PTPN21: variants seen among roughly 807,000 people sequenced by gnomAD.
PTPN21 encodes protein tyrosine phosphatase non-receptor type 21.
In PTPN21, 77 loss-of-function variants were observed where a neutral mutation model predicts 131.8. The observed-to-expected ratio is 0.58, with a 90% CI of 0.49 to 0.71. The LOEUF (loss-of-function observed/expected upper bound fraction) is 0.71. PTPN21 is among the 30% of genes least tolerant of loss of function. PTPN21 has a pLI of 0.00. For missense variants in PTPN21, 1,552 were observed against 1,527.1 expected (o/e 1.02, Z -0.27); for synonymous variants, 715 against 621.3 (o/e 1.15, Z -2.24).
At chr14:88,547,387 C>T (rs2078798519) in intron 2 of PTPN21, 1 of 176,268 alleles carries the variant, frequency 5.7e-6, no homozygotes, top group Admixed American at 6.2e-5. Context: ...GTGGCACACG[C>T]CTGTAATCCC....
At position 88,468,084 on chromosome 14, in the gene PTPN21, T is replaced by C. The variant is rs758790616; in HGVS notation, c.*53A>G. 2.5e-6 allele frequency: 4 copies of C among 1,598,130 alleles called. No individual in the cohort carries two copies. In the Admixed American group the frequency reaches 6.9e-5, roughly 27 times the overall value. On this transcript the variant is annotated 3_prime_UTR_variant, in exon 19 of 19. Coordinates refer to ENST00000556564, the MANE Select transcript of PTPN21 (RefSeq NM_007039.4). ...AAGTATGAGTTAGGCAAGCGCTTTTTTTTTAAGCTGTAAACGCTTCACATG... is the reference window on the plus strand; with the variant it reads ...AAGTATGAGTTAGGCAAGCGCTTTTCTTTTAAGCTGTAAACGCTTCACATG...
intron 2 of PTPN21, among the ~76,000 whole-genome samples, chr14:88,536,754 T>C (rs1251332811): frequency 6.6e-6 from 1 of 152,186 alleles, no homozygotes; most frequent in Non-Finnish European, 1.5e-5. Context: ...GTTAATCCCA[T>C]CTAAAATTGC....
At chr14:88,521,013 T>C (rs1309804005) in intron 2 of PTPN21, among the ~76,000 whole-genome samples, 2 of 151,646 alleles carry the variant, frequency 1.3e-5, no homozygotes, top group Admixed American at 6.7e-5. Context: ...AGGCTATATA[T>C]ATATATTTTT....
Position 88,479,357 on chromosome 14 carries a change from C to T in PTPN21, c.2074G>A (p.Gly692Ser). The change falls in exon 13 of 19, where the codon GGC (glycine) becomes AGC (serine). Residue 692 changes from glycine (G) to serine (S), a missense_variant. This residue lies in a region of PTPN21 where 1,016 missense variants were observed against 883.5 expected (regional missense o/e 1.15). Coordinates refer to ENST00000556564, the MANE Select transcript of PTPN21 (RefSeq NM_007039.4). ...TQREGPEEAE[G>S]LRYGHKKSLS... The stretch of plus-strand genomic sequence containing the variant: ...GACTTCTTATGGCCGTACCTCAAGC[C>T]CTCCGCCTCCTCCGGCCCTTCTCGC... 1 of 1,612,718 alleles carries T rather than the reference C, an allele frequency of 6.2e-7. No homozygotes were observed. The highest frequency in any genetic ancestry group is 8.5e-7 in the Non-Finnish European group (1 of 1,179,654).
intron 14 of PTPN21, among the ~76,000 whole-genome samples, chr14:88,472,857 A>T (rs28482235): frequency 0.34 from 51,031 of 152,008 alleles, 8,736 homozygotes; most frequent in South Asian, 0.42. Flanking sequence ...CAAAACCAAA[A>T]CAGAAACAAA....
At chr14:88,522,333 C>G (rs550526706) in intron 2 of PTPN21, among the ~76,000 whole-genome samples, 4 of 144,280 alleles carry the variant, frequency 2.8e-5, no homozygotes, top group Middle Eastern at 4.0e-3. Flanking sequence ...GAGGCTGAGA[C>G]AAGAGAATTG....
At chr14:88,491,195 C>T (rs996011661) in intron 10 of PTPN21, among the ~76,000 whole-genome samples, 5 of 152,184 alleles carry the variant, frequency 3.3e-5, no homozygotes, top group Non-Finnish European at 5.9e-5. Context: ...TTATCTAATG[C>T]ACTTTGTTAG....
intron 12 of PTPN21, among the ~76,000 whole-genome samples, chr14:88,483,650 T>A (rs564686570): frequency 6.6e-6 from 1 of 152,248 alleles, no homozygotes; most frequent in African/African-American, 2.4e-5. Context: ...CCTGCTTCAT[T>A]CTGTGCCTGG....
At chr14:88,505,035 A>C (rs1176188875) in intron 5 of PTPN21, among the ~76,000 whole-genome samples, 1 of 152,200 alleles carries the variant, frequency 6.6e-6, no homozygotes, top group Non-Finnish European at 1.5e-5. Context: ...GCTGAAAATG[A>C]ATCCTTCTTT....
At chr14:88,526,503 T>C (rs1198793537) in intron 2 of PTPN21, among the ~76,000 whole-genome samples, 1 of 116,710 alleles carries the variant, frequency 8.6e-6, no homozygotes, top group East Asian at 2.8e-4. Flanking sequence ...TGAGCCAGGA[T>C]CACACCACTG....
chr14:88,503,425 G>A (rs964815107), intron 6 of PTPN21, among the ~76,000 whole-genome samples: 7 of 152,146 alleles, frequency 4.6e-5, no homozygotes, highest in Admixed American at 3.3e-4. Context: ...AGAATTTAAT[G>A]ATAGAGTACA....
chr14:88,467,895 C>T lies in PTPN21; in HGVS notation c.*242G>A, dbSNP rs1013112697. The T allele has an allele frequency of 8.3e-5, 47 of 567,502 alleles. No individual in the cohort carries two copies. The highest frequency in any genetic ancestry group is 4.4e-4 in the South Asian group (21 of 47,878). The allele number at this position is 567,502 out of a possible 1,614,324, so 35.2% of individuals were successfully genotyped here. A position where few individuals can be genotyped will look rare whatever the true frequency, so the allele number is the denominator to read the frequency against. On this transcript the variant is annotated 3_prime_UTR_variant, in exon 19 of 19. Transcript: ENST00000556564. ...TGCAAGTACTGCAAACCGGACAGAC[C>T]GGGGCAGGGCAAGGCCCTTGAAACC...
At chr14:88,532,225 G>A (rs2078564867) in intron 2 of PTPN21, among the ~76,000 whole-genome samples, 1 of 151,988 alleles carries the variant, frequency 6.6e-6, no homozygotes, top group South Asian at 2.1e-4. Context: ...TATTCCAAAA[G>A]ATAGAGAAAG....
intron 10 of PTPN21, among the ~76,000 whole-genome samples, chr14:88,490,264 C>T (rs1416325958): frequency 1.3e-5 from 2 of 152,152 alleles, no homozygotes; most frequent in Admixed American, 6.5e-5. Flanking sequence ...CTGCTTCAGC[C>T]TCTCAAAGTG....
At chr14:88,498,077 G>A (rs975043590) in intron 8 of PTPN21, among the ~76,000 whole-genome samples, 2 of 150,862 alleles carry the variant, frequency 1.3e-5, no homozygotes, top group Non-Finnish European at 2.9e-5. Context: ...CTCCAGCGTG[G>A]GCAACAAAAA....
chr14:88,469,097 A>G lies in PTPN21; in HGVS notation c.3236-21T>C, dbSNP rs1485803858. The G allele has an allele frequency of 6.2e-7, 1 of 1,600,826 alleles. No individual in the cohort carries two copies. The highest frequency in any genetic ancestry group is 8.5e-7 in the Non-Finnish European group (1 of 1,170,166). On this transcript the variant is annotated intron_variant, in intron 17 of 18. Transcript: ENST00000556564. The surrounding 1 kb of genome is among the most constrained non-coding windows in gnomAD (Gnocchi z 4.3). ...ATATGCTGTGGAAAATCAATGAAAT[A>G]GAAAAGTACTCAAGGATCAAGGCGT...
Position 88,546,575 on chromosome 14 carries a change from CAA to C in PTPN21, c.180+3661_180+3662del, listed in dbSNP as rs34657413. 5.7e-3 allele frequency among the ~76,000 whole-genome samples: 571 copies of C among 100,176 alleles called. 7 individuals are homozygous for C. The highest frequency in any genetic ancestry group is 0.018 in the African/African-American group (440 of 25,118). The allele number at this position is 100,176 out of a possible 152,430, so 65.7% of individuals were successfully genotyped here. A position where few individuals can be genotyped will look rare whatever the true frequency, so the allele number is the denominator to read the frequency against. On this transcript the variant is annotated intron_variant, in intron 2 of 18. Coordinates refer to ENST00000556564, the MANE Select transcript of PTPN21 (RefSeq NM_007039.4). Reference sequence around the variant, plus strand: ...TGGGCAAAAGAGTGAAACTCCATCTCAAAAAAAAAAAAAAAAAAAATTGTCAT... The same window carrying C: ...TGGGCAAAAGAGTGAAACTCCATCTCAAAAAAAAAAAAAAAAAATTGTCAT...
chr14:88,478,675 G>A (rs868108855), intron 13 of PTPN21, among the ~76,000 whole-genome samples: 2 of 152,094 alleles, frequency 1.3e-5, no homozygotes, highest in Non-Finnish European at 2.9e-5. Flanking sequence ...ACAAAACCCT[G>A]TGAATTTACC....
At chr14:88,486,643 T>G (rs1357871144) in intron 10 of PTPN21, among the ~76,000 whole-genome samples, 1 of 152,200 alleles carries the variant, frequency 6.6e-6, no homozygotes, top group Non-Finnish European at 1.5e-5. Context: ...TTTACCTTTC[T>G]TTGCAAGAAA....
Sources: allele counts gnomAD v4.1 joint callset (sites outside exome capture counted in the v4.1 genomes callset), GRCh38; gene constraint gnomAD v4.1.1; regional missense constraint gnomAD v4.1.1; non-coding constraint Gnocchi (gnomAD v3.1); transcripts MANE v1.5; gene names NCBI Gene and HGNC (gene_info 2026-07-23, HGNC 2026-07-21).